SEZ6L: variants seen among roughly 807,000 people sequenced by gnomAD.
The protein encoded by SEZ6L is seizure related 6 homolog like.
SEZ6L carries 37 observed loss-of-function variants against 106.2 expected under a neutral mutation model. The ratio of observed to expected loss-of-function variants is 0.35; its 90% CI spans 0.27 to 0.46. SEZ6L has a LOEUF of 0.46. SEZ6L is among the 20% of genes least tolerant of loss of function. The probability of loss-of-function intolerance (pLI) is 1.00; values close to 1 mark genes in which losing one functional copy is unlikely to be tolerated. For missense variants in SEZ6L, 1,172 were observed against 1,332.8 expected, an observed-to-expected ratio of 0.88 and a Z score of 1.88; for synonymous variants, 541 against 570.4, an observed-to-expected ratio of 0.95 and a Z score of 0.73.
intron 1 of SEZ6L, among the ~76,000 whole-genome samples, chr22:26,182,269 A>G (rs185373742): frequency 9.7e-4 from 147 of 152,304 alleles, no homozygotes; most frequent in African/African-American, 3.4e-3. Flanking sequence ...TAGGTCACCA[A>G]TATTTGGCTC....
Position 26,292,220 on chromosome 22 carries a change from AAGAG to A in SEZ6L, c.95-185_95-182del, listed in dbSNP as rs1413146132. 3.7e-5 allele frequency: 20 copies of A among 542,088 alleles called. No individual in the cohort carries two copies. In the East Asian group the frequency reaches 5.2e-4, roughly 14 times the overall value. The allele number at this position is 542,088 out of a possible 1,614,324, so 33.6% of individuals were successfully genotyped here. Reference sequence around the variant, plus strand: ...GGAGGAAAAGAAGGAAGAAAAGAGAAAGAGGGAGAGAGGGAAGGAGGAGAAAAAA... The same window carrying A: ...GGAGGAAAAGAAGGAAGAAAAGAGAAGGAGAGAGGGAAGGAGGAGAAAAAA... On this transcript the variant is annotated intron_variant, in intron 1 of 16. Coordinates refer to ENST00000248933, the MANE Select transcript of SEZ6L (RefSeq NM_021115.5).
chr22:26,198,971 T>C (rs1306505975), intron 1 of SEZ6L, among the ~76,000 whole-genome samples: 1 of 152,210 alleles, frequency 6.6e-6, no homozygotes, highest in African/African-American at 2.4e-5. Context: ...GGTGGGAATG[T>C]TCCCAGTAAC....
At position 26,232,346 on chromosome 22, in the gene SEZ6L, TCACACACACACACACA is replaced by T. The variant is rs10654892; in HGVS notation, c.95-60026_95-60011del. ...TTAAGTCTCTCTCTCTCTCTGTCTT[TCACACACACACACACA>T]CACACACACACACACACACACACAC... is the stretch of plus-strand genomic sequence containing the variant. On this transcript the variant is annotated intron_variant, in intron 1 of 16. Transcript: ENST00000248933. Among the ~76,000 whole-genome samples the T allele has an allele frequency of 5.3e-3, 712 of 133,270 alleles. 3 individuals carry two copies. Among genetic ancestry groups the T allele is most frequent in the Non-Finnish European group, 7.1e-3 (450 of 62,968 alleles). The allele number at this position is 133,270 out of a possible 152,430, so 87.4% of individuals were successfully genotyped here. A position where few individuals can be genotyped will look rare whatever the true frequency, so the allele number is the denominator to read the frequency against.
intron 1 of SEZ6L, among the ~76,000 whole-genome samples, chr22:26,183,350 G>A (rs1475487865): frequency 3.3e-5 from 5 of 152,148 alleles, no homozygotes; most frequent in Non-Finnish European, 5.9e-5. Context: ...TCAAACTCAG[G>A]TAGGACCAAG....
At chr22:26,234,899 G>A (rs1481902578) in intron 1 of SEZ6L, among the ~76,000 whole-genome samples, 1 of 152,210 alleles carries the variant, frequency 6.6e-6, no homozygotes, top group Non-Finnish European at 1.5e-5. Flanking sequence ...TGATATTTAA[G>A]CTAAGTCTTG....
chr22:26,204,381 C>G (rs9613128), intron 1 of SEZ6L, among the ~76,000 whole-genome samples: 2 of 152,196 alleles, frequency 1.3e-5, no homozygotes, highest in African/African-American at 4.8e-5. Flanking sequence ...ATAGCACTTA[C>G]TACATGCTAG....
At chr22:26,174,834 T>C (rs528985833) in intron 1 of SEZ6L, among the ~76,000 whole-genome samples, 2 of 152,308 alleles carry the variant, frequency 1.3e-5, no homozygotes, top group African/African-American at 4.8e-5. Context: ...GTTTAAGCAA[T>C]GCAAACAGCA....
Position 26,296,934 on chromosome 22 carries a change from G to A in SEZ6L, c.1016G>A (p.Gly339Glu), listed in dbSNP as rs1395517858. The change falls in exon 4 of 17, where the codon GGG becomes GAG. Residue 339 changes from glycine to glutamate, a missense_variant. Transcript: ENST00000248933. Reference sequence around the variant, plus strand: ...GATGGGGAACTGCTCTCCATCCGCGGGGTGGACGGCCCTACCCTGACCGTC... The same window carrying A: ...GATGGGGAACTGCTCTCCATCCGCGAGGTGGACGGCCCTACCCTGACCGTC... ...LSDGELLSIRGVDGPTLTVLA... is the reference protein window; with the variant it reads ...LSDGELLSIREVDGPTLTVLA... 2 of 1,612,870 alleles carry A rather than the reference G, an allele frequency of 1.2e-6. No individual in the cohort carries two copies. The highest frequency in any genetic ancestry group is 1.3e-5 in the African/African-American group (1 of 74,862).
Position 26,371,249 on chromosome 22 carries a change from A to T in SEZ6L, c.2795-2202A>T, listed in dbSNP as rs990732999. 2.0e-5 allele frequency among the ~76,000 whole-genome samples: 3 copies of T among 152,102 alleles called. No individual in the cohort carries two copies. The South Asian group carries it at 6.2e-4, about 31-fold the overall frequency. ...GAATCCTTGGATGCTGGCACTTTTC[A>T]TCCTGCAGGACAGATTCCTCAAAGC... On this transcript the variant is annotated intron_variant, in intron 13 of 16. Coordinates refer to ENST00000248933, the MANE Select transcript of SEZ6L (RefSeq NM_021115.5).
chr22:26,228,954 G>A (rs896277571), intron 1 of SEZ6L, among the ~76,000 whole-genome samples: 5 of 152,156 alleles, frequency 3.3e-5, no homozygotes, highest in Non-Finnish European at 1.5e-5. Context: ...CGTGTTGATT[G>A]TAGTGGTGGT....
intron 1 of SEZ6L, among the ~76,000 whole-genome samples, chr22:26,268,723 G>A (rs150044570): frequency 1.1e-3 from 171 of 152,256 alleles, no homozygotes; most frequent in African/African-American, 3.9e-3. Context: ...CAATACCCTC[G>A]GCTTCCATCC....
intron 9 of SEZ6L, among the ~76,000 whole-genome samples, chr22:26,327,424 C>T (rs1021601149): frequency 1.6e-5 from 2 of 125,304 alleles, no homozygotes; most frequent in East Asian, 5.1e-4. Context: ...CACACACACG[C>T]ACAAACCACA....
At chr22:26,189,214 A>G (rs1346050857) in intron 1 of SEZ6L, among the ~76,000 whole-genome samples, 1 of 152,238 alleles carries the variant, frequency 6.6e-6, no homozygotes, top group African/African-American at 2.4e-5. Context: ...GTTGTGAGGT[A>G]GATACCATTA....
In SEZ6L at chr22:26,213,037, A is replaced by G. The variant is rs920802897; in HGVS notation, c.94+43274A>G. Among the ~76,000 whole-genome samples, 48 of 152,324 alleles carry G rather than the reference A, an allele frequency of 3.2e-4. 1 individual carries two copies. Among genetic ancestry groups the G allele is most frequent in the Non-Finnish European group, 3.2e-4 (22 of 68,036 alleles). ...AAAGCCCAGTGCTAGATATGTGTGC[A>G]TCCAGGAGGGCTGGGTTCTAAATCC... On this transcript the variant is annotated intron_variant, in intron 1 of 16. Transcript: ENST00000248933.
rs765878831 is a variant in SEZ6L, at chr22:26,380,299, G to A, written c.*4G>A. On this transcript the variant is annotated 3_prime_UTR_variant, in exon 17 of 17. Transcript: ENST00000248933. Reference sequence around the variant, plus strand: ...AGAGTATGAGGTTTCTATCTAAAGAGAGCTACACTTGAGAAGGGGACTTGT... The same window carrying A: ...AGAGTATGAGGTTTCTATCTAAAGAAAGCTACACTTGAGAAGGGGACTTGT... 6.2e-7 allele frequency: 1 copy of A among 1,613,276 alleles called. No homozygotes were observed. The highest frequency in any genetic ancestry group is 1.1e-5 in the South Asian group (1 of 91,020).
chr22:26,221,108 A>T (rs2078455653), intron 1 of SEZ6L, among the ~76,000 whole-genome samples: 1 of 152,186 alleles, frequency 6.6e-6, no homozygotes, highest in Non-Finnish European at 1.5e-5. Flanking sequence ...TGGAAGAGTC[A>T]GTGAATGTCG....
intron 9 of SEZ6L, among the ~76,000 whole-genome samples, chr22:26,336,021 A>G (rs73404635): frequency 0.01 from 1,583 of 152,222 alleles, 35 homozygotes; most frequent in African/African-American, 0.036. Context: ...TCCTTCTCTT[A>G]TATAAGCTAG....
chr22:26,233,178 A>G (rs2078853580), intron 1 of SEZ6L, among the ~76,000 whole-genome samples: 1 of 152,240 alleles, frequency 6.6e-6, no homozygotes, highest in Non-Finnish European at 1.5e-5. Context: ...GTCTTTTTGC[A>G]TTGCTTAGAG....
rs145178760 is a variant in SEZ6L at position 26,370,876 on chromosome 22, C to T, written c.2795-2575C>T. ...AAAATTAGCGGGGCATGGTGACACA[C>T]TCCTGTAGTCCCAACTACTTGGGAA... On this transcript the variant is annotated intron_variant, in intron 13 of 16. Transcript: ENST00000248933. Among the ~76,000 whole-genome samples the T allele has an allele frequency of 4.1e-4, 63 of 151,986 alleles. No individual in the cohort carries two copies. The East Asian group carries it at 0.012, about 29-fold the overall frequency.
Sources: allele counts gnomAD v4.1 joint callset (sites outside exome capture counted in the v4.1 genomes callset), GRCh38; gene constraint gnomAD v4.1.1; transcripts MANE v1.5; gene names NCBI Gene and HGNC (gene_info 2026-07-23, HGNC 2026-07-21).